Variants in STAG1 observed in about 807,000 individuals in gnomAD.
STAG1 encodes STAG1 cohesin complex component, also known as cohesin subunit SA-1.
STAG1 carries 26 observed loss-of-function variants against 170.9 expected under a neutral mutation model. The observed-to-expected ratio is 0.15, with a 90% CI of 0.11 to 0.21. The LOEUF (loss-of-function observed/expected upper bound fraction) is 0.21. Among genes scored for constraint, STAG1 ranks in the 10% least tolerant of loss-of-function variants. The pLI is 1.00. For missense variants in STAG1, 964 were observed against 1,509.5 expected, an observed-to-expected ratio of 0.64 and a Z score of 5.99; for synonymous variants, 514 against 497.7, an observed-to-expected ratio of 1.03 and a Z score of -0.44.
chr3:136,468,471 C>T (rs1251927341), intron 12 of STAG1, among the ~76,000 whole-genome samples: 2 of 152,004 alleles, frequency 1.3e-5, no homozygotes, highest in Non-Finnish European at 2.9e-5. Context: ...AAGCTGAATC[C>T]CTGAATAGAC....
At chr3:136,654,089 G>T (rs1400120015) in intron 1 of STAG1, among the ~76,000 whole-genome samples, 1 of 152,162 alleles carries the variant, frequency 6.6e-6, no homozygotes, top group African/African-American at 2.4e-5. Flanking sequence ...TAAGAAGAAT[G>T]CCTGCTTTTA....
intron 9 of STAG1, among the ~76,000 whole-genome samples, chr3:136,498,249 T>TATATATATATAC (rs1441799306): frequency 1.4e-5 from 1 of 73,710 alleles, no homozygotes; most frequent in African/African-American, 6.8e-5. Flanking sequence ...TACATATACA[T>TATATATATATAC]ACACACACAC....
At chr3:136,499,267 C>A (rs1284800012) in intron 9 of STAG1, among the ~76,000 whole-genome samples, 1 of 152,142 alleles carries the variant, frequency 6.6e-6, no homozygotes, top group Non-Finnish European at 1.5e-5. Context: ...CTCACTGCAG[C>A]CTTGACCCTC....
At chr3:136,674,526 A>G (rs1291449667) in intron 1 of STAG1, among the ~76,000 whole-genome samples, 1 of 152,198 alleles carries the variant, frequency 6.6e-6, no homozygotes, top group Non-Finnish European at 1.5e-5. Context: ...GAAGGGACAC[A>G]AGGGAACTTT....
chr3:136,579,638 C>A (rs1937548354), intron 4 of STAG1, among the ~76,000 whole-genome samples: 1 of 152,216 alleles, frequency 6.6e-6, no homozygotes. Context: ...TTCCACAAAA[C>A]ATCACATTCT....
At chr3:136,507,887 A>G (rs1312960669) in intron 7 of STAG1, among the ~76,000 whole-genome samples, 1 of 152,194 alleles carries the variant, frequency 6.6e-6, no homozygotes, top group Non-Finnish European at 1.5e-5. Context: ...AAGTGAAGAC[A>G]GTGTTCCAAG....
chr3:136,631,293 AG>A (rs1453674451), intron 1 of STAG1, among the ~76,000 whole-genome samples: 1 of 152,260 alleles, frequency 6.6e-6, no homozygotes, highest in African/African-American at 2.4e-5. Flanking sequence ...TATTAAGTAA[AG>A]AAGCCAATCT....
intron 6 of STAG1, among the ~76,000 whole-genome samples, chr3:136,538,238 T>C (rs1398899381): frequency 6.6e-6 from 1 of 152,140 alleles, no homozygotes; most frequent in Non-Finnish European, 1.5e-5. Flanking sequence ...TATTAATAAA[T>C]ATGCATATGC....
At chr3:136,609,049 G>A (rs1306443621) in intron 3 of STAG1, 1 of 152,282 alleles carries the variant, frequency 6.6e-6, no homozygotes, top group Admixed American at 6.6e-5. Flanking sequence ...CCACTGCAAT[G>A]ATGCCCAAGA....
At chr3:136,531,741 C>G (rs2107929378) in intron 6 of STAG1, among the ~76,000 whole-genome samples, 1 of 141,956 alleles carries the variant, frequency 7.0e-6, no homozygotes, top group East Asian at 2.1e-4. Context: ...AGGGGAATAT[C>G]ACACTCTGGG....
chr3:136,645,259 G>A (rs187196744), intron 1 of STAG1, among the ~76,000 whole-genome samples: 18 of 152,232 alleles, frequency 1.2e-4, no homozygotes, highest in Admixed American at 9.8e-4. Flanking sequence ...AGCTATAAGG[G>A]GTATCTTTAT....
At chr3:136,504,680 T>C (rs547391874) in intron 7 of STAG1, among the ~76,000 whole-genome samples, 1 of 152,328 alleles carries the variant, frequency 6.6e-6, no homozygotes, top group East Asian at 1.9e-4. Context: ...AGTATCTACC[T>C]CTACATACCT....
chr3:136,612,195 G>A (rs1010364536), intron 3 of STAG1, among the ~76,000 whole-genome samples: 2 of 152,088 alleles, frequency 1.3e-5, no homozygotes, highest in Non-Finnish European at 2.9e-5. Flanking sequence ...AGAAAGTTTC[G>A]AACTTCAGAG....
intron 1 of STAG1, among the ~76,000 whole-genome samples, chr3:136,733,722 T>C (rs753811124): frequency 5.9e-5 from 9 of 152,208 alleles, no homozygotes; most frequent in African/African-American, 1.9e-4. Context: ...AACTAAGGCA[T>C]TGTTTTCCCA....
intron 23 of STAG1, among the ~76,000 whole-genome samples, chr3:136,372,771 TG>T (rs1174232773): frequency 6.6e-6 from 1 of 152,226 alleles, no homozygotes; most frequent in Non-Finnish European, 1.5e-5. Flanking sequence ...TGAGCATTTT[TG>T]CATCAATGTT....
At chr3:136,476,639 A>G (rs2089757471) in intron 10 of STAG1, among the ~76,000 whole-genome samples, 1 of 152,202 alleles carries the variant, frequency 6.6e-6, no homozygotes, top group Non-Finnish European at 1.5e-5. Flanking sequence ...AAACTGTAAA[A>G]TAACTTATAA....
intron 5 of STAG1, among the ~76,000 whole-genome samples, chr3:136,549,451 C>T (rs1289471676): frequency 2.0e-5 from 3 of 152,054 alleles, no homozygotes; most frequent in African/African-American, 7.2e-5. Context: ...GCTGGGATTA[C>T]AGGCACCTGC....
chr3:136,340,882 T>G (rs891631134), intron 31 of STAG1, among the ~76,000 whole-genome samples: 38 of 152,294 alleles, frequency 2.5e-4, no homozygotes, highest in African/African-American at 5.3e-4. Context: ...ATTGGTAGTA[T>G]TATCCCAATT....
chr3:136,624,356 T>C (rs1227919601), intron 2 of STAG1, among the ~76,000 whole-genome samples: 1 of 152,152 alleles, frequency 6.6e-6, no homozygotes, highest in African/African-American at 2.4e-5. Context: ...TGCCTCGGCC[T>C]CCCAAAGTGC....
Sources: gnomAD v4.1 joint callset for allele counts (sites outside exome capture counted in the v4.1 genomes callset) on GRCh38, gnomAD v4.1.1 for gene constraint, MANE v1.5 for transcripts, NCBI Gene and HGNC (gene_info 2026-07-23, HGNC 2026-07-21) for gene names.